GRM3: variants seen among roughly 807,000 people sequenced by gnomAD.
GRM3 encodes glutamate metabotropic receptor 3, also known as metabotropic glutamate receptor 3.
GRM3 carries 26 observed loss-of-function variants against 70.5 expected under a neutral mutation model. The ratio of observed to expected loss-of-function variants is 0.37; its 90% CI spans 0.27 to 0.51. The LOEUF is 0.51. Among genes scored for constraint, GRM3 ranks in the 20% least tolerant of loss-of-function variants. GRM3 has a pLI of 0.93. For synonymous variants in GRM3, 443 were observed against 434.9 expected (o/e 1.02, Z -0.23); for missense variants, 859 against 1,123.8 (o/e 0.76, Z 3.37).
intron 1 of GRM3, among the ~76,000 whole-genome samples, chr7:86,684,105 T>C (rs1206033195): frequency 6.6e-6 from 1 of 152,138 alleles, no homozygotes; most frequent in African/African-American, 2.4e-5. Flanking sequence ...TCTGAAACTG[T>C]TTCTTACCCT....
intron 1 of GRM3, among the ~76,000 whole-genome samples, chr7:86,706,496 C>T (rs2299218): frequency 0.2 from 29,926 of 151,866 alleles, 2,995 homozygotes; most frequent in African/African-American, 0.22. Context: ...TGGTGTTAGT[C>T]AAAGCAGGCT....
intron 1 of GRM3, among the ~76,000 whole-genome samples, chr7:86,667,160 G>A (rs1489731603): frequency 7.2e-5 from 11 of 151,962 alleles, no homozygotes. Flanking sequence ...AATGACTGAT[G>A]TTCTACATAT....
Position 86,760,076 on chromosome 7 carries a change from A to G in GRM3, c.-140-4930A>G, listed in dbSNP as rs995935324. ...AGATTGATTGAGTGTGCAGGATTTG[A>G]GCACTCTCAGAAACCCTTCAGCAAC... On this transcript the variant is annotated intron_variant, in intron 1 of 5. Transcript: ENST00000361669. Among the ~76,000 whole-genome samples, 4 of 152,240 alleles carry G rather than the reference A, an allele frequency of 2.6e-5. No individual in the cohort carries two copies. The South Asian group carries it at 8.3e-4, about 32-fold the overall frequency.
At chr7:86,703,362 A>G (rs1013528729) in intron 1 of GRM3, among the ~76,000 whole-genome samples, 3 of 151,860 alleles carry the variant, frequency 2.0e-5, no homozygotes, top group Non-Finnish European at 2.9e-5. Context: ...GGTTCATGGA[A>G]TTTCTATATA....
At chr7:86,805,253 CT>C (rs540310575) in intron 3 of GRM3, among the ~76,000 whole-genome samples, 15 of 152,018 alleles carry the variant, frequency 9.9e-5, no homozygotes, top group Admixed American at 2.0e-4. Context: ...TATTATAGAC[CT>C]TTTTTTTATT....
intron 1 of GRM3, among the ~76,000 whole-genome samples, chr7:86,701,639 T>G (rs944699003): frequency 4.6e-5 from 7 of 151,954 alleles, no homozygotes; most frequent in African/African-American, 1.7e-4. Flanking sequence ...GTAAAAGATA[T>G]CCAGGTGTAA....
At chr7:86,845,063 T>C (rs536699912) in intron 4 of GRM3, among the ~76,000 whole-genome samples, 35 of 152,234 alleles carry the variant, frequency 2.3e-4, no homozygotes, top group Non-Finnish European at 4.1e-4. Context: ...CTAATTTTTG[T>C]ATTTTTAGTA....
intron 1 of GRM3, among the ~76,000 whole-genome samples, chr7:86,659,735 A>G (rs1167877662): frequency 6.6e-6 from 1 of 152,026 alleles, no homozygotes; most frequent in Non-Finnish European, 1.5e-5. Context: ...TTCTTATTTT[A>G]ACATAAAATC....
intron 1 of GRM3, among the ~76,000 whole-genome samples, chr7:86,725,569 C>G: frequency 6.6e-6 from 1 of 152,126 alleles, no homozygotes; most frequent in African/African-American, 2.4e-5. Flanking sequence ...GAATCAGACT[C>G]CCACTATCAA....
intron 3 of GRM3, among the ~76,000 whole-genome samples, chr7:86,804,448 C>T (rs890019209): frequency 5.3e-5 from 8 of 152,264 alleles, no homozygotes; most frequent in South Asian, 2.1e-4. Flanking sequence ...TTGCTCTTGT[C>T]GCCCAGGCTG....
At chr7:86,734,395 C>T (rs534165545) in intron 1 of GRM3, among the ~76,000 whole-genome samples, 1 of 152,138 alleles carries the variant, frequency 6.6e-6, no homozygotes, top group East Asian at 1.9e-4. Flanking sequence ...TACTTATTAG[C>T]AATTCTGCCA....
chr7:86,864,173 C>G, intron 5 of GRM3, 109 bp from the exon 6 acceptor site: 1 of 712,356 alleles, frequency 1.4e-6, no homozygotes, highest in Non-Finnish European at 2.6e-6. Flanking sequence ...TCCCTCACCT[C>G]CTTCCCACCC....
rs199794040 is a variant in GRM3 at position 86,723,235 on chromosome 7, AT to A, written c.-140-41770del. On this transcript the variant is annotated intron_variant, in intron 1 of 5. Transcript: ENST00000361669. ...CTTGAGTTCTACATCCATAAAAAAAATATAGAATATAGCTCAGGTGATAGAT... is the reference window on the plus strand; with the variant it reads ...CTTGAGTTCTACATCCATAAAAAAAAATAGAATATAGCTCAGGTGATAGAT... Among the ~76,000 whole-genome samples the A allele has an allele frequency of 1.8e-4, 28 of 152,022 alleles. No individual in the cohort carries two copies. The East Asian group carries it at 5.4e-3, about 29-fold the overall frequency.
At chr7:86,707,376 C>T (rs1433022214) in intron 1 of GRM3, among the ~76,000 whole-genome samples, 2 of 152,050 alleles carry the variant, frequency 1.3e-5, no homozygotes, top group African/African-American at 2.4e-5. Context: ...ATAATGATAC[C>T]TCCTCCTAAG....
chr7:86,665,966 A>G (rs1794014957), intron 1 of GRM3, among the ~76,000 whole-genome samples: 1 of 152,082 alleles, frequency 6.6e-6, no homozygotes, highest in African/African-American at 2.4e-5. Context: ...ATTTTCTGTC[A>G]TTCACATTTT....
At chr7:86,800,325 T>C (rs1797653019) in intron 3 of GRM3, among the ~76,000 whole-genome samples, 1 of 151,984 alleles carries the variant, frequency 6.6e-6, no homozygotes, top group South Asian at 2.1e-4. Flanking sequence ...CATTTAAAAA[T>C]ACCCTTTACA....
intron 5 of GRM3, among the ~76,000 whole-genome samples, chr7:86,856,564 C>T (rs1481841659): frequency 6.6e-6 from 1 of 151,390 alleles, no homozygotes; most frequent in Non-Finnish European, 1.5e-5. Context: ...ACCTATGTAA[C>T]ACACCTTCAC....
chr7:86,684,151 C>T (rs1322647560), intron 1 of GRM3, among the ~76,000 whole-genome samples: 1 of 151,994 alleles, frequency 6.6e-6, no homozygotes. Context: ...AGTCTTAGAC[C>T]CACACCCTGC....
At chr7:86,654,395 G>T (rs1211348838) in intron 1 of GRM3, among the ~76,000 whole-genome samples, 1 of 152,150 alleles carries the variant, frequency 6.6e-6, no homozygotes, top group East Asian at 1.9e-4. Context: ...TTAAACTGTT[G>T]AAAGTTACAC....
Sources: allele counts gnomAD v4.1 joint callset (sites outside exome capture counted in the v4.1 genomes callset), GRCh38; gene constraint gnomAD v4.1.1; transcripts MANE v1.5; gene names NCBI Gene and HGNC (gene_info 2026-07-23, HGNC 2026-07-21).